SCFD2: variants seen among roughly 807,000 people sequenced by gnomAD.
SCFD2 encodes the protein sec1 family domain-containing protein 2.
SCFD2 carries 54 observed loss-of-function variants against 58.9 expected under a neutral mutation model. The observed-to-expected ratio is 0.92, with a 90% CI of 0.74 to 1.15. The LOEUF is 1.15. Ranked by LOEUF, SCFD2 falls within the 50% of genes most tolerant of loss-of-function variation. The probability of loss-of-function intolerance (pLI) is 0.00; values close to 1 mark genes in which losing one functional copy is unlikely to be tolerated. For missense variants in SCFD2, 805 were observed against 836.6 expected (o/e 0.96, Z 0.47); for synonymous variants, 321 against 335.9 (o/e 0.96, Z 0.49).
intron 4 of SCFD2, among the ~76,000 whole-genome samples, chr4:53,247,552 T>C (rs552781550): frequency 2.0e-5 from 3 of 152,126 alleles, no homozygotes; most frequent in Non-Finnish European, 2.9e-5. Context: ...TGGAATACTA[T>C]GCAGCCATAA....
chr4:53,346,721 T>C (rs1734068330), intron 2 of SCFD2, among the ~76,000 whole-genome samples: 1 of 152,172 alleles, frequency 6.6e-6, no homozygotes, highest in African/African-American at 2.4e-5. Flanking sequence ...TAAACAATTA[T>C]AGTATAGTGT....
chr4:53,062,651 G>A (rs1322032642), intron 5 of SCFD2, among the ~76,000 whole-genome samples: 8 of 152,066 alleles, frequency 5.3e-5, no homozygotes, highest in Non-Finnish European at 1.2e-4. Context: ...ACAGTGCTCT[G>A]ATGGAAAATC....
chr4:53,362,393 G>A (rs1474516211), intron 1 of SCFD2, among the ~76,000 whole-genome samples: 1 of 152,232 alleles, frequency 6.6e-6, no homozygotes, highest in Non-Finnish European at 1.5e-5. Flanking sequence ...TACTGAGCAA[G>A]TAAATGATAT....
At chr4:53,246,106 A>G (rs938710493) in intron 4 of SCFD2, among the ~76,000 whole-genome samples, 2 of 152,102 alleles carry the variant, frequency 1.3e-5, no homozygotes, top group Non-Finnish European at 2.9e-5. Context: ...CTGCCACAAA[A>G]AGTATAAAAC....
intron 5 of SCFD2, among the ~76,000 whole-genome samples, chr4:53,139,923 C>G (rs1041768658): frequency 1.6e-4 from 25 of 152,134 alleles, no homozygotes; most frequent in African/African-American, 5.1e-4. Flanking sequence ...CCCCTGCTCT[C>G]TGAAACATGT....
At chr4:53,060,741 A>T (rs932304103) in intron 5 of SCFD2, among the ~76,000 whole-genome samples, 9 of 151,876 alleles carry the variant, frequency 5.9e-5, no homozygotes, top group Admixed American at 5.2e-4. Context: ...AAGTATAATT[A>T]AAAAAATATA....
intron 5 of SCFD2, among the ~76,000 whole-genome samples, chr4:52,978,455 T>C (rs1419525991): frequency 6.6e-6 from 1 of 152,160 alleles, no homozygotes; most frequent in Non-Finnish European, 1.5e-5. Context: ...AAGTAATGTA[T>C]CTTTCAGGGT....
intron 2 of SCFD2, among the ~76,000 whole-genome samples, chr4:53,350,554 G>A (rs1734185602): frequency 6.6e-6 from 1 of 152,078 alleles, no homozygotes; most frequent in South Asian, 2.1e-4. Context: ...TCCATTGTTT[G>A]TATAATCACT....
chr4:53,197,513 T>C (rs1728094751), intron 4 of SCFD2, among the ~76,000 whole-genome samples: 3 of 152,082 alleles, frequency 2.0e-5, no homozygotes, highest in Admixed American at 6.6e-5. Context: ...TCAGATTTTT[T>C]CCCCAAAGCC....
At chr4:52,878,318 C>A (rs10001855) in intron 8 of SCFD2, among the ~76,000 whole-genome samples, 15,692 of 152,186 alleles carry the variant, frequency 0.1, 946 homozygotes, top group East Asian at 0.25. Flanking sequence ...TCACTCAGGG[C>A]AGCTCTAGTA....
chr4:53,331,160 C>A (rs1287933453), intron 2 of SCFD2, among the ~76,000 whole-genome samples: 4 of 151,662 alleles, frequency 2.6e-5, no homozygotes, highest in Non-Finnish European at 5.9e-5. Context: ...GACTGTAACA[C>A]CCCACTGTCA....
intron 3 of SCFD2, among the ~76,000 whole-genome samples, chr4:53,297,906 A>G (rs1327457224): frequency 6.6e-6 from 1 of 152,124 alleles, no homozygotes; most frequent in Non-Finnish European, 1.5e-5. Context: ...TTTCTCCTTC[A>G]CTTATGAAGC....
At chr4:52,878,874 C>T (rs1476001107) in intron 8 of SCFD2, among the ~76,000 whole-genome samples, 2 of 152,162 alleles carry the variant, frequency 1.3e-5, no homozygotes, top group South Asian at 4.1e-4. Context: ...TCTTTTGATT[C>T]TCAGTATTAG....
At chr4:53,331,131 C>A (rs1733445686) in intron 2 of SCFD2, among the ~76,000 whole-genome samples, 1 of 151,508 alleles carries the variant, frequency 6.6e-6, no homozygotes, top group Non-Finnish European at 1.5e-5. Context: ...ACTTAGACTC[C>A]CACACATTAA....
At chr4:53,124,224 G>A (rs914255183) in intron 5 of SCFD2, among the ~76,000 whole-genome samples, 2 of 152,142 alleles carry the variant, frequency 1.3e-5, no homozygotes, top group African/African-American at 4.8e-5. Flanking sequence ...TGGCATGCTA[G>A]GAACACAGGA....
At chr4:52,897,522 G>A (rs1008920059) in intron 7 of SCFD2, among the ~76,000 whole-genome samples, 1 of 152,176 alleles carries the variant, frequency 6.6e-6, no homozygotes, top group Non-Finnish European at 1.5e-5. Context: ...TGATCATGGT[G>A]GATAAGCTTT....
At chr4:53,087,589 TC>T (rs1425305075) in intron 5 of SCFD2, among the ~76,000 whole-genome samples, 1 of 152,106 alleles carries the variant, frequency 6.6e-6, no homozygotes, top group Non-Finnish European at 1.5e-5. Context: ...TGCCTTGGCT[TC>T]CCAAAGTGCT....
intron 5 of SCFD2, among the ~76,000 whole-genome samples, chr4:53,061,658 C>G (rs919586914): frequency 3.9e-5 from 6 of 152,082 alleles, no homozygotes; most frequent in African/African-American, 1.2e-4. Context: ...TAGAGTTCTG[C>G]TTACTCTGCG....
At chr4:53,004,871 T>G (rs1721939723) in intron 5 of SCFD2, among the ~76,000 whole-genome samples, 1 of 152,236 alleles carries the variant, frequency 6.6e-6, no homozygotes, top group Non-Finnish European at 1.5e-5. Context: ...CCATGAAACC[T>G]CACTGCTCTC....
Sources: allele counts gnomAD v4.1 joint callset (sites outside exome capture counted in the v4.1 genomes callset), GRCh38; gene constraint gnomAD v4.1.1; transcripts MANE v1.5; gene names NCBI Gene and HGNC (gene_info 2026-07-23, HGNC 2026-07-21).